Variants in IQCB1 observed in about 807,000 individuals in gnomAD.
IQCB1 encodes IQ calmodulin-binding motif-containing protein 1.
Under a neutral mutation model 84.4 loss-of-function variants are expected in IQCB1, and 56 were observed. The observed-to-expected ratio is 0.66, with a 90% confidence interval of 0.54 to 0.83. The LOEUF (loss-of-function observed/expected upper bound fraction) is 0.83, where lower values mean the gene tolerates loss of function less well. Ranked by LOEUF, IQCB1 falls within the 40% of genes least tolerant of loss-of-function variation. IQCB1 has a pLI of 0.00. For synonymous variants in IQCB1, 210 were observed against 234.8 expected (o/e 0.89, Z 0.96); for missense variants, 629 against 682.1 (o/e 0.92, Z 0.87).
chr3:121,787,867 T>G (rs1207721691), intron 12 of IQCB1, among the ~76,000 whole-genome samples: 1 of 152,212 alleles, frequency 6.6e-6, no homozygotes, highest in African/African-American at 2.4e-5. Context: ...GCACAGAACT[T>G]TGTAATTTAC....
intron 13 of IQCB1, among the ~76,000 whole-genome samples, chr3:121,773,038 T>TG (rs1457842257): frequency 6.6e-6 from 1 of 152,132 alleles, no homozygotes; most frequent in African/African-American, 2.4e-5. Flanking sequence ...GACACTGGCC[T>TG]GGGGCCGGGT....
intron 13 of IQCB1, among the ~76,000 whole-genome samples, chr3:121,775,235 T>G (rs772515242): frequency 6.6e-6 from 1 of 152,128 alleles, no homozygotes; most frequent in African/African-American, 2.4e-5. Flanking sequence ...GTTGCTAATA[T>G]GATTGATCAG....
intron 12 of IQCB1, among the ~76,000 whole-genome samples, chr3:121,783,860 T>C (rs1167837830): frequency 6.6e-6 from 1 of 152,220 alleles, no homozygotes; most frequent in Non-Finnish European, 1.5e-5. Context: ...GTCCTTATCT[T>C]TAATTAATAA....
At chr3:121,798,802 A>G (rs1949296517) in intron 8 of IQCB1, among the ~76,000 whole-genome samples, 1 of 151,974 alleles carries the variant, frequency 6.6e-6, no homozygotes, top group African/African-American at 2.4e-5. Flanking sequence ...TTAAGTAATT[A>G]TTGATAGTTC....
intron 5 of IQCB1, among the ~76,000 whole-genome samples, chr3:121,810,826 T>C (rs1027795889): frequency 6.6e-6 from 1 of 152,188 alleles, no homozygotes; most frequent in African/African-American, 2.4e-5. Flanking sequence ...ACAATTCCTA[T>C]AGTTTATGTG....
intron 2 of IQCB1, among the ~76,000 whole-genome samples, chr3:121,830,433 A>G (rs984202279): frequency 6.6e-5 from 10 of 152,032 alleles, no homozygotes; most frequent in African/African-American, 2.4e-4. Context: ...TTTGAAGCTC[A>G]AAGATATCCT....
In IQCB1 at chr3:121,788,347, T is replaced by C. The variant is rs1264884946; in HGVS notation, c.1215A>G (p.Lys405=). 6.2e-7 allele frequency: 1 copy of C among 1,613,934 alleles called. No individual in the cohort carries two copies. Among genetic ancestry groups the C allele is most frequent in the East Asian group, 2.2e-5 (1 of 44,852 alleles). The change falls in exon 12 of 15, where the codon AAA becomes AAG. Residue 405 remains lysine, a synonymous_variant. Coordinates refer to ENST00000310864, the MANE Select transcript of IQCB1 (RefSeq NM_001023570.4). The part of the protein sequence containing the change: ...QKHWRGYRER[K]NFHQQRQSLI... The stretch of plus-strand genomic sequence containing the variant: ...GAGACTGCCTCTGTTGGTGAAAATT[T>C]TTCCTTTCCCTGTACCCTCTCCAAT...
chr3:121,797,049 T>C, intron 9 of IQCB1, 69 bp downstream of exon 9: 5 of 832,580 alleles, frequency 6.0e-6, no homozygotes, highest in Non-Finnish European at 1.0e-5. Context: ...GTGAGGAACA[T>C]TTAAGGAAAA....
chr3:121,815,787 T>C (rs942426620), intron 5 of IQCB1, among the ~76,000 whole-genome samples: 1 of 152,042 alleles, frequency 6.6e-6, no homozygotes, highest in Non-Finnish European at 1.5e-5. Context: ...AAAAATTCCA[T>C]GCTTATGGAT....
Position 121,808,952 on chromosome 3 carries a change from A to G in IQCB1, c.451T>C (p.Trp151Arg). ...AGTTCAACATGGCCTCCCAAAAGCC[A>G]GAAGAGAGAATCAGTCACAATTTGG... is the stretch of plus-strand genomic sequence containing the variant. ...FFQIVTDSLF[W>R]LLGGHVELIQ... The change falls in exon 6 of 15, where the codon TGG becomes CGG. Residue 151 changes from tryptophan to arginine, a missense_variant. Transcript: ENST00000310864. The G allele has an allele frequency of 6.2e-7, 1 of 1,611,284 alleles. No homozygotes were observed. Among genetic ancestry groups the G allele is most frequent in the East Asian group, 2.2e-5 (1 of 44,750 alleles).
chr3:121,773,050 T>C (rs9843095), intron 13 of IQCB1, among the ~76,000 whole-genome samples: 3,559 of 150,898 alleles, frequency 0.024, 140 homozygotes, highest in African/African-American at 0.083. Context: ...GGGCCGGGTG[T>C]GGTGGCTCAC....
chr3:121,774,707 A>G (rs1401738020), intron 13 of IQCB1, among the ~76,000 whole-genome samples: 1 of 152,192 alleles, frequency 6.6e-6, no homozygotes, highest in African/African-American at 2.4e-5. Flanking sequence ...ATGGAGACAG[A>G]AAGTAGAATG....
intron 6 of IQCB1, among the ~76,000 whole-genome samples, chr3:121,808,431 T>C (rs1430673155): frequency 6.6e-6 from 1 of 151,980 alleles, no homozygotes; most frequent in Non-Finnish European, 1.5e-5. Flanking sequence ...AACTCATACA[T>C]GTTTATATCT....
rs760905369 is a variant in IQCB1, at chr3:121,781,787, C to G, written c.1366G>C (p.Val456Leu). The change falls in exon 13 of 15, where the codon GTT becomes CTT. Residue 456 changes from valine to leucine, a missense_variant. Coordinates refer to ENST00000310864, the MANE Select transcript of IQCB1 (RefSeq NM_001023570.4). ...GLQELTDARR[V>L]ELKKRVDDYV... The stretch of plus-strand genomic sequence containing the variant: ...TCATCCACTCGTTTCTTCAGTTCAA[C>G]TCGGCGTGCATCAGTGAGTTCTTGG... 1 of 1,613,884 alleles carries G rather than the reference C, an allele frequency of 6.2e-7. No individual in the cohort carries two copies. Among genetic ancestry groups the G allele is most frequent in the Non-Finnish European group, 8.5e-7 (1 of 1,179,860 alleles).
At chr3:121,788,214 T>C (rs1009564066) in intron 12 of IQCB1, 70 bp downstream of exon 12, 1 of 1,455,816 alleles carries the variant, frequency 6.9e-7, no homozygotes, top group Admixed American at 1.7e-5. Flanking sequence ...AACAGGTAAT[T>C]AGCAAAGTCA....
chr3:121,790,650 T>C (rs1948928930), intron 10 of IQCB1, among the ~76,000 whole-genome samples: 1 of 152,140 alleles, frequency 6.6e-6, no homozygotes, highest in East Asian at 1.9e-4. Context: ...TTCTATGAAC[T>C]ATGAAAACAT....
intron 7 of IQCB1, among the ~76,000 whole-genome samples, chr3:121,803,364 T>C (rs576875550): frequency 6.6e-6 from 1 of 152,350 alleles, no homozygotes; most frequent in Admixed American, 6.5e-5. Flanking sequence ...TTTGTGTTTC[T>C]TGAGACTTTA....
intron 8 of IQCB1, among the ~76,000 whole-genome samples, chr3:121,797,545 T>C (rs1204269193): frequency 1.3e-5 from 2 of 149,378 alleles, no homozygotes; most frequent in Admixed American, 6.7e-5. Context: ...AAAGTAGAGA[T>C]AAATTTTTTT....
At chr3:121,820,129 C>T (rs1344547024) in intron 5 of IQCB1, among the ~76,000 whole-genome samples, 1 of 152,072 alleles carries the variant, frequency 6.6e-6, no homozygotes, top group East Asian at 1.9e-4. Flanking sequence ...TTTTCAGTCT[C>T]AGTTACAAAG....
Sources: allele counts gnomAD v4.1 joint callset (sites outside exome capture counted in the v4.1 genomes callset), GRCh38; gene constraint gnomAD v4.1.1; transcripts MANE v1.5; gene names NCBI Gene and HGNC (gene_info 2026-07-23, HGNC 2026-07-21).